NCOA2: variants seen among roughly 807,000 people sequenced by gnomAD.
NCOA2 encodes the protein class E basic helix-loop-helix protein 75.
NCOA2 carries 21 observed loss-of-function variants against 145.1 expected under a neutral mutation model. The ratio of observed to expected loss-of-function variants is 0.14; its 90% CI spans 0.10 to 0.21. The LOEUF (loss-of-function observed/expected upper bound fraction) is 0.21. Ranked by LOEUF, NCOA2 falls within the 10% of genes least tolerant of loss-of-function variation. The pLI, the probability that NCOA2 is intolerant of heterozygous loss-of-function variation, is 1.00. For missense variants in NCOA2, 1,472 were observed against 1,837.6 expected (o/e 0.80, Z 3.64); for synonymous variants, 619 against 637.5 (o/e 0.97, Z 0.44).
rs191986509 is a variant in NCOA2 at position 70,396,035 on chromosome 8, T to C, written c.-77+7665A>G. Among the ~76,000 whole-genome samples, 98 of 152,246 alleles carry C rather than the reference T, an allele frequency of 6.4e-4. 2 individuals carry two copies. The East Asian group carries it at 0.013, about 20-fold the overall frequency. On this transcript the variant is annotated intron_variant, in intron 1 of 22. Transcript: ENST00000452400. The stretch of plus-strand genomic sequence containing the variant: ...TGAGCAGACAGAAGAATTCCACAAA[T>C]AGCAGAGCAGAAGTCAGATGACTGA...
Position 70,141,266 on chromosome 8 carries a change from C to T in NCOA2, c.2946G>A (p.Arg982=), listed in dbSNP as rs1810383769. 1 of 1,613,872 alleles carries T rather than the reference C, an allele frequency of 6.2e-7. No homozygotes were observed. The highest frequency in any genetic ancestry group is 8.5e-7 in the Non-Finnish European group (1 of 1,179,868). ...TCATGGGGATGCTGGCTGCTGGGTT[C>T]CGAATCATACCTCCTTGGACTGGCC... ...MNRPVQGGMI[R]NPAASIPMRP... Residue 982 remains arginine, a synonymous_variant, in exon 14 of 23, where the codon CGG becomes CGA. Transcript: ENST00000452400.
chr8:70,137,652 G>C (rs1463552715), intron 15 of NCOA2, among the ~76,000 whole-genome samples: 1 of 152,200 alleles, frequency 6.6e-6, no homozygotes, highest in Non-Finnish European at 1.5e-5. Context: ...CTCCAAGTGC[G>C]ACAGCAATGG....
At chr8:70,144,238 A>G (rs1205327935) in intron 13 of NCOA2, among the ~76,000 whole-genome samples, 2 of 152,266 alleles carry the variant, frequency 1.3e-5, no homozygotes, top group Non-Finnish European at 2.9e-5. Context: ...ACCTAGAAGT[A>G]TAAAAGGTTG....
At chr8:70,216,571 C>G in intron 3 of NCOA2, 89 bp downstream of exon 3, 1 of 1,038,320 alleles carries the variant, frequency 9.6e-7, no homozygotes, top group Non-Finnish European at 1.5e-6. Context: ...ATATTTGAAT[C>G]AGCAGTAAAA....
At chr8:70,322,168 A>T (rs183343897) in intron 1 of NCOA2, among the ~76,000 whole-genome samples, 129 of 152,158 alleles carry the variant, frequency 8.5e-4, no homozygotes, top group Admixed American at 1.5e-3. Flanking sequence ...TATTTATTTC[A>T]TCATATGGCA....
At chr8:70,404,508 G>T (rs1449147040), upstream of NCOA2, among the ~76,000 whole-genome samples, 3 of 152,184 alleles carry the variant, frequency 2.0e-5, no homozygotes, top group Non-Finnish European at 4.4e-5. Context: ...CTCCCCGGAG[G>T]CGCCCCGCAT....
chr8:70,450,777 C>T, the NCOA2 span, among the ~76,000 whole-genome samples: 1 of 150,620 alleles, frequency 6.6e-6, no homozygotes, highest in African/African-American at 2.4e-5. Context: ...ATGGGGGCCA[C>T]GCTAGTCTCG....
chr8:70,213,082 C>CA (rs1192760540), intron 4 of NCOA2, among the ~76,000 whole-genome samples: 14 of 52,282 alleles, frequency 2.7e-4, no homozygotes, highest in African/African-American at 6.5e-4. Flanking sequence ...GAGACTGTCT[C>CA]AAAAAAAACA....
chr8:70,208,180 G>A (rs1007104599), intron 4 of NCOA2, among the ~76,000 whole-genome samples: 1 of 152,140 alleles, frequency 6.6e-6, no homozygotes, highest in African/African-American at 2.4e-5. Context: ...AGAAGATCAA[G>A]CCAGCCACAA....
chr8:70,367,951 T>C (rs1262497636), intron 1 of NCOA2, among the ~76,000 whole-genome samples: 3 of 152,358 alleles, frequency 2.0e-5, no homozygotes, highest in South Asian at 2.1e-4. Flanking sequence ...TGTAAAATAC[T>C]GTTACATAGA....
chr8:70,195,252 G>A (rs1817164571), intron 4 of NCOA2, among the ~76,000 whole-genome samples: 1 of 152,154 alleles, frequency 6.6e-6, no homozygotes, highest in Non-Finnish European at 1.5e-5. Flanking sequence ...TGTAGGGCCT[G>A]GAGCTTAATT....
the NCOA2 span, among the ~76,000 whole-genome samples, chr8:70,420,157 G>A: frequency 6.6e-6 from 1 of 152,156 alleles, no homozygotes; most frequent in Non-Finnish European, 1.5e-5. Flanking sequence ...TGAGAACAAA[G>A]TTAGTTGTGT....
At chr8:70,311,702 G>A (rs1805138937) in intron 1 of NCOA2, among the ~76,000 whole-genome samples, 1 of 152,148 alleles carries the variant, frequency 6.6e-6, no homozygotes, top group Non-Finnish European at 1.5e-5. Flanking sequence ...CAGAAGACCT[G>A]GCCATCTTCC....
intron 22 of NCOA2, among the ~76,000 whole-genome samples, chr8:70,115,176 G>C (rs1445692728): frequency 6.6e-6 from 1 of 152,096 alleles, no homozygotes; most frequent in African/African-American, 2.4e-5. Context: ...TTGAGACGGA[G>C]TTTCGCTCTT....
intron 4 of NCOA2, among the ~76,000 whole-genome samples, chr8:70,176,205 G>C (rs7012501): frequency 0.011 from 1,731 of 152,298 alleles, 43 homozygotes; most frequent in African/African-American, 0.04. Flanking sequence ...GTATTGATTA[G>C]TTCTTCCTTG....
Position 70,363,721 on chromosome 8 carries a change from G to C in NCOA2, c.-77+39979C>G, listed in dbSNP as rs73684285. 3.7e-3 allele frequency among the ~76,000 whole-genome samples: 567 copies of C among 152,298 alleles called. 8 individuals carry two copies. Among genetic ancestry groups the C allele is most frequent in the African/African-American group, 0.013 (551 of 41,556 alleles). ...ACAGAAAGAGAAAAACAGATCAGTG[G>C]TTGCCAGGAACTGAGGGTAGGGTTG... On this transcript the variant is annotated intron_variant, in intron 1 of 22. Transcript: ENST00000452400.
chr8:70,312,506 T>C (rs1412052848), intron 1 of NCOA2, among the ~76,000 whole-genome samples: 1 of 152,228 alleles, frequency 6.6e-6, no homozygotes, highest in African/African-American at 2.4e-5. Context: ...TGCTGACTGA[T>C]ATATACTTCA....
chr8:70,150,899 GA>G (rs1254813573), intron 11 of NCOA2, among the ~76,000 whole-genome samples: 1 of 151,994 alleles, frequency 6.6e-6, no homozygotes. Flanking sequence ...TACTTTTTCA[GA>G]AAATGTTTCA....
chr8:70,321,086 A>G (rs888769175), intron 1 of NCOA2, among the ~76,000 whole-genome samples: 2 of 152,194 alleles, frequency 1.3e-5, no homozygotes, highest in African/African-American at 4.8e-5. Context: ...TAACTTTCTG[A>G]GCTCCAAATT....
Sources: allele counts gnomAD v4.1 joint callset (sites outside exome capture counted in the v4.1 genomes callset), GRCh38; gene constraint gnomAD v4.1.1; transcripts MANE v1.5; gene names NCBI Gene and HGNC (gene_info 2026-07-23, HGNC 2026-07-21).